The following RUNDC3B variants were observed in gnomAD, a reference collection of about 807,000 sequenced individuals.
RUNDC3B encodes the protein RUN domain containing 3B.
A neutral mutation model predicts 58.4 loss-of-function variants in RUNDC3B; 33 were observed. That is an observed-to-expected ratio of 0.56 (90% CI 0.43 to 0.75). The LOEUF is 0.75. Ranked by LOEUF, RUNDC3B falls within the 30% of genes least tolerant of loss-of-function variation. The pLI, the probability that RUNDC3B is intolerant of heterozygous loss-of-function variation, is 0.00. For missense variants in RUNDC3B, 501 were observed against 535.7 expected (o/e 0.94, Z 0.64); for synonymous variants, 193 against 195.2 (o/e 0.99, Z 0.10).
chr7:87,744,788 T>TA lies in RUNDC3B; in HGVS notation c.629+3210dup, dbSNP rs529648816. On this transcript the variant is annotated intron_variant, in intron 6 of 10. Coordinates refer to ENST00000394654, the MANE Select transcript of RUNDC3B (RefSeq NM_001134405.2). The stretch of plus-strand genomic sequence containing the variant: ...AACAGTGACAGTTTGACTTTCTCTT[T>TA]ACCGATGTGGATGCTCTTTATTTCT... Among the ~76,000 whole-genome samples the TA allele has an allele frequency of 2.2e-3, 332 of 152,336 alleles. 1 individual carries two copies. The highest frequency in any genetic ancestry group is 2.8e-3 in the Non-Finnish European group (192 of 68,014).
chr7:87,757,360 A>G (rs889841837), intron 6 of RUNDC3B, among the ~76,000 whole-genome samples: 1 of 152,198 alleles, frequency 6.6e-6, no homozygotes, highest in African/African-American at 2.4e-5. Flanking sequence ...AAATCAACAT[A>G]GGAAAATCAG....
At chr7:87,689,771 T>C (rs1170474256) in intron 2 of RUNDC3B, among the ~76,000 whole-genome samples, 2 of 152,146 alleles carry the variant, frequency 1.3e-5, no homozygotes, top group Admixed American at 1.3e-4. Flanking sequence ...TATGGTATTG[T>C]TACCTCTTTT....
chr7:87,773,820 G>A (rs1834455285), intron 7 of RUNDC3B, among the ~76,000 whole-genome samples: 1 of 152,048 alleles, frequency 6.6e-6, no homozygotes, highest in Non-Finnish European at 1.5e-5. Context: ...TAGGACTACA[G>A]GCATGTGACA....
At chr7:87,790,154 C>A (rs1304030380) in intron 8 of RUNDC3B, among the ~76,000 whole-genome samples, 1 of 152,184 alleles carries the variant, frequency 6.6e-6, no homozygotes, top group Non-Finnish European at 1.5e-5. Context: ...CATCACCACA[C>A]CCCCAGTTCC....
intron 1 of RUNDC3B, among the ~76,000 whole-genome samples, chr7:87,643,096 C>T (rs1223244264): frequency 6.6e-6 from 1 of 152,006 alleles, no homozygotes; most frequent in African/African-American, 2.4e-5. Context: ...TTTACATTTC[C>T]TTATAGAGAT....
chr7:87,637,032 C>T (rs1821842760), intron 1 of RUNDC3B, among the ~76,000 whole-genome samples: 1 of 152,138 alleles, frequency 6.6e-6, no homozygotes, highest in Non-Finnish European at 1.5e-5. Flanking sequence ...ACCATCAGCT[C>T]TCGTGAGCTC....
In RUNDC3B at chr7:87,763,180, G is replaced by A. The variant is rs939354110; in HGVS notation, c.630-7401G>A. Among the ~76,000 whole-genome samples, 15 of 151,508 alleles carry A rather than the reference G, an allele frequency of 9.9e-5. 1 individual carries two copies. The highest frequency in any genetic ancestry group is 1.8e-4 in the Non-Finnish European group (12 of 67,590). ...GTTAATGTCTTTACCACCCATCCAA[G>A]TAAATGAGAATCTTGCATTGCTTTG... On this transcript the variant is annotated intron_variant, in intron 6 of 10. Coordinates refer to ENST00000394654, the MANE Select transcript of RUNDC3B (RefSeq NM_001134405.2).
At chr7:87,661,910 A>G (rs538568854) in intron 2 of RUNDC3B, among the ~76,000 whole-genome samples, 1 of 152,164 alleles carries the variant, frequency 6.6e-6, no homozygotes, top group East Asian at 1.9e-4. Flanking sequence ...CCTCACCAGT[A>G]TTCATTATTG....
intron 6 of RUNDC3B, among the ~76,000 whole-genome samples, chr7:87,759,474 G>A (rs924872052): frequency 2.0e-5 from 3 of 152,058 alleles, no homozygotes; most frequent in Admixed American, 1.3e-4. Context: ...TACCAAAAGA[G>A]TGGAATTGGA....
rs139503670 is a variant in RUNDC3B, at chr7:87,700,448, G to A, written c.266G>A (p.Ser89Asn). 1.9e-6 allele frequency: 3 copies of A among 1,612,234 alleles called. No individual in the cohort carries two copies. In the South Asian group the frequency reaches 3.3e-5, roughly 18 times the overall value. Residue 89 changes from serine (S) to asparagine (N), a missense_variant, in exon 3 of 11, where the codon AGT (serine) becomes AAT (asparagine). Ser to Asn is a conservative substitution (Grantham distance 46, BLOSUM62 1). Coordinates refer to ENST00000394654, the MANE Select transcript of RUNDC3B (RefSeq NM_001134405.2). The stretch of plus-strand genomic sequence containing the variant: ...CAAGTAACCTGGTTTGGTTATGAAA[G>A]TCCTCGTAGCTTCTGGGACTATATC... ...KGQVTWFGYESPRSFWDYIRV... is the reference protein window; with the variant it reads ...KGQVTWFGYENPRSFWDYIRV...
intron 1 of RUNDC3B, among the ~76,000 whole-genome samples, chr7:87,637,480 A>C (rs915643996): frequency 2.6e-5 from 4 of 152,180 alleles, no homozygotes; most frequent in African/African-American, 4.8e-5. Flanking sequence ...TTAAGCTTGC[A>C]CTGGTACTAT....
At chr7:87,689,987 T>C (rs994464420) in intron 2 of RUNDC3B, among the ~76,000 whole-genome samples, 10 of 152,062 alleles carry the variant, frequency 6.6e-5, no homozygotes, top group African/African-American at 2.4e-4. Flanking sequence ...CATAGATTTT[T>C]TTTTAAAAAT....
At chr7:87,799,534 G>A (rs1043625944) in intron 8 of RUNDC3B, among the ~76,000 whole-genome samples, 21 of 151,948 alleles carry the variant, frequency 1.4e-4, no homozygotes, top group Admixed American at 7.9e-4. Context: ...TCAGTGTGCC[G>A]TGTCACAAAT....
At chr7:87,709,676 G>A (rs1289527113) in intron 3 of RUNDC3B, among the ~76,000 whole-genome samples, 1 of 152,128 alleles carries the variant, frequency 6.6e-6, no homozygotes, top group Admixed American at 6.6e-5. Flanking sequence ...CATTTCTAGA[G>A]TATGTTTTTT....
intron 4 of RUNDC3B, among the ~76,000 whole-genome samples, chr7:87,721,351 C>G (rs1461140543): frequency 2.0e-5 from 3 of 151,980 alleles, no homozygotes; most frequent in Non-Finnish European, 4.4e-5. Flanking sequence ...GGTAACATGT[C>G]AGTTCTCTGA....
intron 2 of RUNDC3B, among the ~76,000 whole-genome samples, chr7:87,678,595 C>G (rs1187893814): frequency 6.6e-6 from 1 of 151,730 alleles, no homozygotes; most frequent in Non-Finnish European, 1.5e-5. Flanking sequence ...TAAATCAAAC[C>G]TTATTAATAG....
intron 6 of RUNDC3B, among the ~76,000 whole-genome samples, chr7:87,757,289 AG>A (rs1833426660): frequency 6.6e-6 from 1 of 152,182 alleles, no homozygotes; most frequent in Admixed American, 6.6e-5. Flanking sequence ...TAAATGGAAA[AG>A]TAGATCCACC....
intron 10 of RUNDC3B, among the ~76,000 whole-genome samples, chr7:87,827,018 A>G (rs968299055): frequency 2.0e-5 from 3 of 152,242 alleles, no homozygotes; most frequent in African/African-American, 4.8e-5. Context: ...TTAACAAAGC[A>G]AAATAATTTG....
intron 2 of RUNDC3B, among the ~76,000 whole-genome samples, chr7:87,670,537 CATACA>C (rs1401286567): frequency 6.6e-6 from 1 of 152,164 alleles, no homozygotes; most frequent in Non-Finnish European, 1.5e-5. Context: ...ATTTGGATGG[CATACA>C]ATACTCTGAA....
Sources: allele counts gnomAD v4.1 joint callset (sites outside exome capture counted in the v4.1 genomes callset), GRCh38; gene constraint gnomAD v4.1.1; transcripts MANE v1.5; gene names NCBI Gene and HGNC (gene_info 2026-07-23, HGNC 2026-07-21).